TFDP2: variants seen among roughly 807,000 people sequenced by gnomAD.
TFDP2 encodes the protein transcription factor Dp-2.
A neutral mutation model predicts 59.3 loss-of-function variants in TFDP2; 17 were observed. The ratio of observed to expected loss-of-function variants is 0.29; its 90% CI spans 0.20 to 0.43. TFDP2 has a LOEUF of 0.43. Ranked by LOEUF, TFDP2 falls within the 20% of genes least tolerant of loss-of-function variation. The probability of loss-of-function intolerance (pLI) is 1.00; values close to 1 mark genes in which losing one functional copy is unlikely to be tolerated. For missense variants in TFDP2, 391 were observed against 528.8 expected, an observed-to-expected ratio of 0.74 and a Z score of 2.56; for synonymous variants, 180 against 194.7, an observed-to-expected ratio of 0.92 and a Z score of 0.63.
At chr3:142,112,526 C>T (rs760528710) in intron 1 of TFDP2, among the ~76,000 whole-genome samples, 2 of 152,168 alleles carry the variant, frequency 1.3e-5, no homozygotes, top group African/African-American at 2.4e-5. Context: ...AGCAGAAAGA[C>T]GTGGTAATAG....
At chr3:142,068,831 T>C (rs2060151458) in intron 3 of TFDP2, among the ~76,000 whole-genome samples, 1 of 152,042 alleles carries the variant, frequency 6.6e-6, no homozygotes, top group Admixed American at 6.6e-5. Flanking sequence ...AGTGCTAGGA[T>C]TATCAGTGTG....
At chr3:142,012,177 T>C (rs1944774437) in intron 3 of TFDP2, among the ~76,000 whole-genome samples, 1 of 151,958 alleles carries the variant, frequency 6.6e-6, no homozygotes, top group South Asian at 2.1e-4. Flanking sequence ...CACACCCGGC[T>C]AATTTTTTGT....
chr3:141,976,591 A>G (rs1183216703), intron 7 of TFDP2, among the ~76,000 whole-genome samples: 3 of 152,204 alleles, frequency 2.0e-5, no homozygotes, highest in African/African-American at 4.8e-5. Flanking sequence ...TGCTCTAGGC[A>G]AAGCAGTGTA....
intron 1 of TFDP2, among the ~76,000 whole-genome samples, chr3:142,143,009 GC>G (rs1374050838): frequency 6.6e-6 from 1 of 152,262 alleles, no homozygotes; most frequent in Non-Finnish European, 1.5e-5. Flanking sequence ...GCCAAGGCGA[GC>G]AGATCACTTG....
At chr3:141,966,969 T>C (rs1276795453) in intron 9 of TFDP2, among the ~76,000 whole-genome samples, 3 of 146,820 alleles carry the variant, frequency 2.0e-5, no homozygotes, top group Non-Finnish European at 4.5e-5. Context: ...CAGGCTGGAG[T>C]GCAGTGGTGC....
At position 141,950,720 on chromosome 3, in the gene TFDP2, T is replaced by C. The variant is rs1053433154; in HGVS notation, c.*1793A>G. The C allele has an allele frequency of 6.6e-6, 1 of 152,596 alleles. No homozygotes were observed. The highest frequency in any genetic ancestry group is 2.4e-5 in the African/African-American group (1 of 41,434). 9.5% of individuals were successfully genotyped at this position (152,596 alleles called of 1,614,324 possible). On this transcript the variant is annotated 3_prime_UTR_variant, in exon 13 of 13. Transcript: ENST00000489671. ...GCTGCCCCTTAAAGGACAGTTTGGT[T>C]TGGAGGGAAATCCCAATCCGTGCAG... is the stretch of plus-strand genomic sequence containing the variant.
intron 3 of TFDP2, among the ~76,000 whole-genome samples, chr3:142,005,794 C>A (rs1944159647): frequency 6.6e-6 from 1 of 152,044 alleles, no homozygotes; most frequent in Admixed American, 6.6e-5. Flanking sequence ...ATAAATAGTT[C>A]CAATTATCTG....
In TFDP2 at chr3:142,005,507, G is replaced by T; in HGVS notation, c.120C>A (p.Thr40=). 1 of 1,607,422 alleles carries T rather than the reference G, an allele frequency of 6.2e-7. No individual in the cohort carries two copies. The highest frequency in any genetic ancestry group is 1.1e-5 in the South Asian group (1 of 90,262). Residue 40 remains threonine (T), a synonymous_variant, in exon 4 of 13, where the codon ACC becomes ACA. Coordinates refer to ENST00000489671, the MANE Select transcript of TFDP2 (RefSeq NM_001178139.2). ...TTGGTAAAATCTTTGTAGGTGAGTT[G>T]GTATTGGAAACTGGAAATGCAACAA... ...ISFVAFPVSN[T]NSPTKILPKT...
chr3:142,045,788 C>CTT (rs953589461), intron 3 of TFDP2, among the ~76,000 whole-genome samples: 1 of 139,432 alleles, frequency 7.2e-6, no homozygotes. Context: ...AATTTTTGTA[C>CTT]TTTTTTTTTT....
chr3:141,981,838 T>C (rs555392749), intron 6 of TFDP2, among the ~76,000 whole-genome samples: 1 of 152,088 alleles, frequency 6.6e-6, no homozygotes, highest in Non-Finnish European at 1.5e-5. Flanking sequence ...AAACTGGAGC[T>C]GTGGTAGGGC....
At chr3:141,995,845 T>C (rs1053084035) in intron 4 of TFDP2, among the ~76,000 whole-genome samples, 7 of 131,662 alleles carry the variant, frequency 5.3e-5, no homozygotes, top group Non-Finnish European at 9.1e-5. Flanking sequence ...ATCACGCCAC[T>C]GCACTCCAGC....
At chr3:142,139,745 C>T (rs1189448425) in intron 1 of TFDP2, among the ~76,000 whole-genome samples, 1 of 152,218 alleles carries the variant, frequency 6.6e-6, no homozygotes, top group East Asian at 1.9e-4. Flanking sequence ...CGCTGTTAGT[C>T]TGATGGGCTT....
In TFDP2 at chr3:141,947,188, T is replaced by C. The variant is rs1377585093; in HGVS notation, c.*5325A>G. On this transcript the variant is annotated 3_prime_UTR_variant, in exon 13 of 13. Coordinates refer to ENST00000489671, the MANE Select transcript of TFDP2 (RefSeq NM_001178139.2). Reference sequence around the variant, plus strand: ...CAAATGGCATGGTGCAGGCTCCTGATACATAGTGTGGGTCTTTGGGAAATG... The same window carrying C: ...CAAATGGCATGGTGCAGGCTCCTGACACATAGTGTGGGTCTTTGGGAAATG... 1 of 152,352 alleles carries C rather than the reference T, an allele frequency of 6.6e-6. No homozygotes were observed. The highest frequency in any genetic ancestry group is 1.5e-5 in the Non-Finnish European group (1 of 68,054). The allele number at this position is 152,352 out of a possible 1,614,324, so 9.4% of individuals were successfully genotyped here.
chr3:142,034,908 G>A (rs757869420), intron 3 of TFDP2, among the ~76,000 whole-genome samples: 1 of 151,756 alleles, frequency 6.6e-6, no homozygotes, highest in Non-Finnish European at 1.5e-5. Context: ...GGGTTTCACC[G>A]TGTTAACCAA....
chr3:142,017,296 C>G (rs1469446486), intron 3 of TFDP2, among the ~76,000 whole-genome samples: 1 of 152,148 alleles, frequency 6.6e-6, no homozygotes, highest in African/African-American at 2.4e-5. Flanking sequence ...ATTGCTCCAG[C>G]TAGGTGTCTC....
chr3:142,086,656 C>T (rs780599665), intron 3 of TFDP2, among the ~76,000 whole-genome samples: 2 of 152,114 alleles, frequency 1.3e-5, no homozygotes, highest in Non-Finnish European at 1.5e-5. Flanking sequence ...ACCCTCCTGA[C>T]ACATGGGTGT....
chr3:141,953,963 G>A (rs1936242644), intron 11 of TFDP2, among the ~76,000 whole-genome samples: 1 of 151,156 alleles, frequency 6.6e-6, no homozygotes, highest in African/African-American at 2.4e-5. Context: ...CTGAAGTTGG[G>A]AGTTCTGTCC....
At chr3:141,980,871 C>T (rs148428110) in intron 6 of TFDP2, among the ~76,000 whole-genome samples, 114 of 151,860 alleles carry the variant, frequency 7.5e-4, no homozygotes, top group East Asian at 5.0e-3. Context: ...TGTTACTACA[C>T]GAGTAAAACA....
intron 3 of TFDP2, among the ~76,000 whole-genome samples, chr3:142,016,361 C>T (rs548010960): frequency 2.7e-5 from 4 of 148,264 alleles, no homozygotes; most frequent in Admixed American, 6.8e-5. Flanking sequence ...TGCAGTGGTG[C>T]GATCTCAGCT....
Sources: gnomAD v4.1 joint callset for allele counts (sites outside exome capture counted in the v4.1 genomes callset) on GRCh38, gnomAD v4.1.1 for gene constraint, MANE v1.5 for transcripts, NCBI Gene and HGNC (gene_info 2026-07-23, HGNC 2026-07-21) for gene names.